The following IL15RA variants were observed in gnomAD, a reference collection of about 807,000 sequenced individuals.
The protein encoded by IL15RA is interleukin 15 receptor subunit alpha.
In IL15RA, 26 loss-of-function variants were observed where a neutral mutation model predicts 24.2. The ratio of observed to expected loss-of-function variants is 1.07; its 90% CI spans 0.79 to 1.49. The LOEUF (loss-of-function observed/expected upper bound fraction) is 1.49. Ranked by LOEUF, IL15RA falls within the 40% of genes most tolerant of loss-of-function variation. IL15RA has a pLI of 0.00. For synonymous variants in IL15RA, 166 were observed against 157.6 expected (o/e 1.05, Z -0.40); for missense variants, 354 against 356.4 (o/e 0.99, Z 0.05).
rs748119034 is a variant in IL15RA at position 5,953,156 on chromosome 10, G to A, written c.743C>T (p.Pro248Leu). 2.5e-6 allele frequency: 4 copies of A among 1,614,220 alleles called. No homozygotes were observed. The highest frequency in any genetic ancestry group is 1.6e-4 in the Middle Eastern group (1 of 6,062). The change falls in exon 7 of 7, where the codon CCG (proline) becomes CTG (leucine). Residue 248 changes from proline to leucine, a missense_variant. Pro to Leu is a moderately conservative substitution (Grantham distance 98, BLOSUM62 -3). Transcript: ENST00000379977. The surrounding 1 kb of genome is among the most constrained non-coding windows in gnomAD (Gnocchi z 5.3). ...SVEMEAMEAL[P>L]VTWGTSSRDE... The stretch of plus-strand genomic sequence containing the variant: ...TCTGCTGCTGGTCCCCCAAGTCACC[G>A]GCAGAGCCTCCATGGCTTCCATTTC...
In IL15RA at chr10:5,963,782, C is replaced by T. The variant is rs541349922; in HGVS notation, c.343G>A (p.Val115Met). Reference sequence around the variant, plus strand: ...GAGAGGCTCTCTGGCTGTGGGGTCACCCCTGCCGTCGTTACTGTGGAGGGT... The same window carrying T: ...GAGAGGCTCTCTGGCTGTGGGGTCATCCCTGCCGTCGTTACTGTGGAGGGT... ...APPSTVTTAG[V>M]TPQPESLSPS... is the part of the protein sequence containing the mutation. The change falls in exon 3 of 7, where the codon GTG becomes ATG. Residue 115 changes from valine to methionine, a missense_variant. Val to Met is a conservative substitution (Grantham distance 21, BLOSUM62 1). Transcript: ENST00000379977. This position sits in a 1 kb window ranked among gnomAD's most constrained non-coding sequence, Gnocchi z 5.3. 4 of 1,531,278 alleles carry T rather than the reference C, an allele frequency of 2.6e-6. No homozygotes were observed. The highest frequency in any genetic ancestry group is 2.6e-5 in the East Asian group (1 of 38,850). The allele number at this position is 1,531,278 out of a possible 1,614,324, so 94.9% of individuals were successfully genotyped here. A position where few individuals can be genotyped will look rare whatever the true frequency, so the allele number is the denominator to read the frequency against.
upstream of IL15RA, among the ~76,000 whole-genome samples, chr10:5,978,348 T>C (rs961271625): frequency 2.1e-4 from 32 of 152,124 alleles, no homozygotes; most frequent in African/African-American, 7.5e-4. This position sits in a 1 kb window ranked among gnomAD's most constrained non-coding sequence, Gnocchi z 5.2. Context: ...TCTTGGGGTC[T>C]CAAGTGAAGC....
At chr10:5,976,984 G>C (rs1263097387) in intron 1 of IL15RA, 1 of 163,720 alleles carries the variant, frequency 6.1e-6, no homozygotes, top group Non-Finnish European at 1.3e-5. Flanking sequence ...GTTTCTCCCG[G>C]ACCCCTCCGA....
rs2132414852 is a variant in IL15RA, at chr10:5,961,583, G to C, written c.383-1016C>G. On this transcript the variant is annotated intron_variant, in intron 3 of 6. Coordinates refer to ENST00000379977, the MANE Select transcript of IL15RA (RefSeq NM_002189.4). The surrounding 1 kb of genome is among the most constrained non-coding windows in gnomAD (Gnocchi z 5.2). ...ACACGGGAAGCCTGGGCTCTGGCCT[G>C]AACTCTCCGGGCTGTGTGGGAGGAA... 6.6e-6 allele frequency among the ~76,000 whole-genome samples: 1 copy of C among 152,366 alleles called. No homozygotes were observed. The highest frequency in any genetic ancestry group is 2.1e-4 in the South Asian group (1 of 4,832).
In IL15RA at chr10:5,966,859, C is replaced by T. The variant is rs41294181; in HGVS notation, c.89-520G>A. The stretch of plus-strand genomic sequence containing the variant: ...TGGTGGCAGGCGCCTGTAATCCCAG[C>T]TACTGGGGAGGCTGAGGCAGGAGAA... On this transcript the variant is annotated intron_variant, in intron 1 of 6. Transcript: ENST00000379977. The surrounding 1 kb of genome is among the most constrained non-coding windows in gnomAD (Gnocchi z 6.4). Among the ~76,000 whole-genome samples the T allele has an allele frequency of 6.9e-3, 1,055 of 152,208 alleles. 5 individuals carry two copies. Among genetic ancestry groups the T allele is most frequent in the Non-Finnish European group, 0.011 (728 of 68,010 alleles).
At position 5,973,538 on chromosome 10, in the gene IL15RA, G is replaced by A. The variant is rs1270337332; in HGVS notation, c.88+3867C>T. ...CATATGGCTGACTGATGTTCAAAAG[G>A]TATAAGAGAAGGTCAGTGAAGATAA... is the stretch of plus-strand genomic sequence containing the variant. On this transcript the variant is annotated intron_variant, in intron 1 of 6. Coordinates refer to ENST00000379977, the MANE Select transcript of IL15RA (RefSeq NM_002189.4). This position sits in a 1 kb window ranked among gnomAD's most constrained non-coding sequence, Gnocchi z 4.5. 1.3e-5 allele frequency among the ~76,000 whole-genome samples: 2 copies of A among 152,180 alleles called. No individual in the cohort carries two copies. The highest frequency in any genetic ancestry group is 2.9e-5 in the Non-Finnish European group (2 of 68,028).
At position 5,959,458 on chromosome 10, in the gene IL15RA, T is replaced by A. The variant is rs1479047953; in HGVS notation, c.616+296A>T. 6.6e-6 allele frequency among the ~76,000 whole-genome samples: 1 copy of A among 152,188 alleles called. No homozygotes were observed. The highest frequency in any genetic ancestry group is 1.9e-4 in the East Asian group (1 of 5,198). On this transcript the variant is annotated intron_variant, in intron 5 of 6. Transcript: ENST00000379977. The surrounding 1 kb of genome is among the most constrained non-coding windows in gnomAD (Gnocchi z 4.1). ...TTTTGGATGCTCCATGCAAAAGAGG[T>A]GCACCCTGCTGTGAAGAGCTGACCT...
chr10:5,964,255 C>G lies in IL15RA; in HGVS notation c.284-414G>C, dbSNP rs1836112040. ...CTCACTGCAGCCTTGACCTCCCGGG[C>G]TCAAGAGATCCTCCTGCCTCAGTCT... On this transcript the variant is annotated intron_variant, in intron 2 of 6. Coordinates refer to ENST00000379977, the MANE Select transcript of IL15RA (RefSeq NM_002189.4). The surrounding 1 kb of genome is among the most constrained non-coding windows in gnomAD (Gnocchi z 5.6). 6.6e-6 allele frequency among the ~76,000 whole-genome samples: 1 copy of G among 152,100 alleles called. No individual in the cohort carries two copies.
chr10:5,977,985 C>T, upstream of IL15RA: 1 of 177,386 alleles, frequency 5.6e-6, no homozygotes, highest in Middle Eastern at 2.2e-3. Context: ...TTCCTGGTCT[C>T]CCTCCGCGGC....
chr10:5,951,169 A>T (rs1833845808), downstream of IL15RA, among the ~76,000 whole-genome samples: 1 of 148,512 alleles, frequency 6.7e-6, no homozygotes, highest in Admixed American at 6.7e-5. Context: ...AAAAAAAAAA[A>T]AAAATATTAG....
chr10:5,976,526 G>T (rs1838474268), intron 1 of IL15RA, among the ~76,000 whole-genome samples: 2 of 152,050 alleles, frequency 1.3e-5, no homozygotes, highest in South Asian at 4.1e-4. Context: ...ATTTTTCTGG[G>T]GGCCGGGGGT....
At chr10:5,957,952 CATCAAAT>C (rs1216540653) in intron 5 of IL15RA, among the ~76,000 whole-genome samples, 3 of 152,274 alleles carry the variant, frequency 2.0e-5, no homozygotes, top group African/African-American at 7.2e-5. Flanking sequence ...TATAGCCCAT[CATCAAAT>C]AGTTGTTGGA....
In IL15RA at chr10:5,968,508, T is replaced by A; in HGVS notation, c.89-2169A>T. 4.2e-6 allele frequency: 2 copies of A among 471,692 alleles called. No homozygotes were observed. The highest frequency in any genetic ancestry group is 5.0e-5 in the South Asian group (2 of 40,364). The allele number at this position is 471,692 out of a possible 1,614,324, so 29.2% of individuals were successfully genotyped here. On this transcript the variant is annotated intron_variant, in intron 1 of 6. Coordinates refer to ENST00000379977, the MANE Select transcript of IL15RA (RefSeq NM_002189.4). The surrounding 1 kb of genome is among the most constrained non-coding windows in gnomAD (Gnocchi z 5.4). ...TACTCCCCATTCCAATGAGGACACA[T>A]CTTCTGCTAAGCTGATGGCGTGAGA...
intron 1 of IL15RA, chr10:5,969,008 C>T (rs1053396087): frequency 8.6e-5 from 132 of 1,527,914 alleles, no homozygotes; most frequent in Non-Finnish European, 1.1e-4. Flanking sequence ...GTGTAGGATC[C>T]TGAGCAAGGA....
rs1435882510 is a variant in IL15RA, at chr10:5,953,936, C to T, written c.693-730G>A. On this transcript the variant is annotated intron_variant, in intron 6 of 6. Transcript: ENST00000379977. This position sits in a 1 kb window ranked among gnomAD's most constrained non-coding sequence, Gnocchi z 5.3. ...TTCTACCAGGGCTGGTGAAATGTCC[C>T]TCCGGAGGAGCAGCAGCTCTTTAGG... is the stretch of plus-strand genomic sequence containing the variant. 6.5e-6 allele frequency: 1 copy of T among 153,526 alleles called. No homozygotes were observed. The highest frequency in any genetic ancestry group is 2.4e-5 in the African/African-American group (1 of 41,432). 9.5% of individuals were successfully genotyped at this position (153,526 alleles called of 1,614,324 possible).
chr10:5,977,470 C>A lies in IL15RA; in HGVS notation c.23G>T (p.Gly8Val). 7.4e-7 allele frequency: 1 copy of A among 1,358,400 alleles called. No individual in the cohort carries two copies. Among genetic ancestry groups the A allele is most frequent in the Non-Finnish European group, 9.5e-7 (1 of 1,057,644 alleles). The allele number at this position is 1,358,400 out of a possible 1,614,324, so 84.1% of individuals were successfully genotyped here. ...CGCCGGGAGACCGAGGGTCCGGCAG[C>A]CGCGCGCCCGCCGCGGGGCCATGGC... MAPRRAR[G>V]CRTLGLPALL... Residue 8 changes from glycine to valine, a missense_variant, in exon 1 of 7, where the codon GGC becomes GTC. Coordinates refer to ENST00000379977, the MANE Select transcript of IL15RA (RefSeq NM_002189.4).
Position 5,977,456 on chromosome 10 carries a change from C to A in IL15RA, c.37G>T (p.Gly13Cys). Reference protein sequence around the residue: ...PRRARGCRTLGLPALLLLLLL... With the variant: ...PRRARGCRTLCLPALLLLLLL... ...AGCAGCAGTAGCAGCGCCGGGAGAC[C>A]GAGGGTCCGGCAGCCGCGCGCCCGC... is the stretch of plus-strand genomic sequence containing the variant. Residue 13 changes from glycine (G) to cysteine (C), a missense_variant, in exon 1 of 7, where the codon GGT (glycine) becomes TGT (cysteine). By Grantham distance (159) the Gly-to-Cys change is radical (BLOSUM62 -3). Coordinates refer to ENST00000379977, the MANE Select transcript of IL15RA (RefSeq NM_002189.4). 1.5e-6 allele frequency: 2 copies of A among 1,366,074 alleles called. No individual in the cohort carries two copies. The highest frequency in any genetic ancestry group is 1.7e-5 in the South Asian group (1 of 58,360). The allele number at this position is 1,366,074 out of a possible 1,614,324, so 84.6% of individuals were successfully genotyped here.
In IL15RA at chr10:5,963,565, T is replaced by G. The variant is rs1835958315; in HGVS notation, c.382+178A>C. 1.3e-5 allele frequency among the ~76,000 whole-genome samples: 2 copies of G among 152,242 alleles called. No homozygotes were observed. Among genetic ancestry groups the G allele is most frequent in the South Asian group, 4.1e-4 (2 of 4,836 alleles). ...ATAACACCTGGATATCAAGCAACTT[T>G]GATTTGAAAAAGAAAATTAAGTTGG... On this transcript the variant is annotated intron_variant, in intron 3 of 6. Transcript: ENST00000379977. The surrounding 1 kb of genome is among the most constrained non-coding windows in gnomAD (Gnocchi z 5.3).
rs184978549 is a variant in IL15RA at position 5,956,103 on chromosome 10, C to T, written c.692+276G>A. On this transcript the variant is annotated intron_variant, in intron 6 of 6. Coordinates refer to ENST00000379977, the MANE Select transcript of IL15RA (RefSeq NM_002189.4). ...AATCTTGGCTCACTGCAACCTCCGC[C>T]TCCCGGGTTCAAGCGATTCTCCTGC... Among the ~76,000 whole-genome samples the T allele has an allele frequency of 1.2e-3, 179 of 152,256 alleles. 3 individuals carry two copies. Among genetic ancestry groups the T allele is most frequent in the African/African-American group, 4.1e-3 (171 of 41,546 alleles).
Sources: allele counts gnomAD v4.1 joint callset (sites outside exome capture counted in the v4.1 genomes callset), GRCh38; gene constraint gnomAD v4.1.1; non-coding constraint Gnocchi (gnomAD v3.1); transcripts MANE v1.5; gene names NCBI Gene and HGNC (gene_info 2026-07-23, HGNC 2026-07-21).